The following PTPRT variants were observed in gnomAD, a reference collection of about 807,000 sequenced individuals.
PTPRT encodes protein tyrosine phosphatase receptor type T, also known as receptor-type tyrosine-protein phosphatase T.
In PTPRT, 56 loss-of-function variants were observed where a neutral mutation model predicts 176.8. The ratio of observed to expected loss-of-function variants is 0.32; its 90% confidence interval spans 0.26 to 0.40. PTPRT has a LOEUF of 0.40. PTPRT is among the 10% of genes least tolerant of loss of function. The pLI is 1.00. For synonymous variants in PTPRT, 783 were observed against 739.0 expected (o/e 1.06, Z -0.96); for missense variants, 1,540 against 1,908.2 (o/e 0.81, Z 3.60).
chr20:42,804,704 G>C (rs2077579704), intron 2 of PTPRT, among the ~76,000 whole-genome samples: 1 of 152,234 alleles, frequency 6.6e-6, no homozygotes, highest in African/African-American at 2.4e-5. Context: ...CAGTGAGGGA[G>C]AATCTGTTCC....
intron 1 of PTPRT, among the ~76,000 whole-genome samples, chr20:43,168,889 C>G (rs1381458194): frequency 6.6e-6 from 1 of 152,220 alleles, no homozygotes; most frequent in Admixed American, 6.5e-5. Flanking sequence ...ATTCAATGTA[C>G]TACTCCAAAT....
chr20:42,985,285 A>T (rs1368204984), intron 1 of PTPRT, among the ~76,000 whole-genome samples: 1 of 152,124 alleles, frequency 6.6e-6, no homozygotes, highest in African/African-American at 2.4e-5. Context: ...TCATGAGGTC[A>T]GGAGTTCGAG....
chr20:42,527,724 G>A (rs2072303866), intron 7 of PTPRT, among the ~76,000 whole-genome samples: 1 of 152,192 alleles, frequency 6.6e-6, no homozygotes, highest in African/African-American at 2.4e-5. Context: ...ATTGTAGGCT[G>A]TCCCTGAAAA....
chr20:42,616,947 T>C (rs1158257873), intron 7 of PTPRT, among the ~76,000 whole-genome samples: 2 of 132,582 alleles, frequency 1.5e-5, no homozygotes, highest in Admixed American at 1.4e-4. Flanking sequence ...TCCTGCCTCA[T>C]TGCCCTGGCC....
At chr20:43,065,491 T>C (rs2011105412) in intron 1 of PTPRT, among the ~76,000 whole-genome samples, 1 of 152,218 alleles carries the variant, frequency 6.6e-6, no homozygotes, top group Non-Finnish European at 1.5e-5. Flanking sequence ...TGGATTTTGG[T>C]GACCTCTCCA....
chr20:42,622,457 G>T (rs1016841964), intron 7 of PTPRT, among the ~76,000 whole-genome samples: 9 of 152,182 alleles, frequency 5.9e-5, no homozygotes, highest in Admixed American at 2.0e-4. Flanking sequence ...AGCCAGGATG[G>T]TCTCAATCTC....
rs141710388 is a variant in PTPRT at position 43,094,441 on chromosome 20, C to T, written c.88+95205G>A. Among the ~76,000 whole-genome samples, 861 of 117,644 alleles carry T rather than the reference C, an allele frequency of 7.3e-3. 9 individuals are homozygous for T. Among genetic ancestry groups the T allele is most frequent in the African/African-American group, 0.027 (819 of 29,872 alleles). The allele number at this position is 117,644 out of a possible 152,430, so 77.2% of individuals were successfully genotyped here. A position where few individuals can be genotyped will look rare whatever the true frequency, so the allele number is the denominator to read the frequency against. ...CAGACGGAGTTTCGCTCTTGTTGCA[C>T]AGGCTGGAGTGTAATAGCATGATCT... On this transcript the variant is annotated intron_variant, in intron 1 of 30. Coordinates refer to ENST00000373187, the MANE Select transcript of PTPRT (RefSeq NM_007050.6).
At chr20:42,753,189 G>A (rs988877545) in intron 6 of PTPRT, among the ~76,000 whole-genome samples, 1 of 152,050 alleles carries the variant, frequency 6.6e-6, no homozygotes, top group Non-Finnish European at 1.5e-5. Flanking sequence ...AGCCCTCCAG[G>A]TGTGACCAAA....
chr20:42,954,015 C>T (rs766985423), intron 1 of PTPRT, among the ~76,000 whole-genome samples: 2 of 151,996 alleles, frequency 1.3e-5, no homozygotes, highest in Non-Finnish European at 2.9e-5. Flanking sequence ...AGATAATGGA[C>T]GAGTCTGGGA....
At chr20:42,802,282 G>A (rs771158578) in intron 2 of PTPRT, among the ~76,000 whole-genome samples, 89 of 152,286 alleles carry the variant, frequency 5.8e-4, no homozygotes, top group Non-Finnish European at 1.0e-3. Context: ...AAATTTGGGC[G>A]AATCAACAAA....
At chr20:42,442,435 T>C (rs1285014830) in intron 9 of PTPRT, among the ~76,000 whole-genome samples, 2 of 152,232 alleles carry the variant, frequency 1.3e-5, no homozygotes, top group African/African-American at 2.4e-5. Flanking sequence ...AAGTCTGTTT[T>C]ATTTAACTCT....
chr20:42,683,633 C>T (rs189063925), intron 6 of PTPRT, among the ~76,000 whole-genome samples: 8 of 152,254 alleles, frequency 5.3e-5, no homozygotes, highest in East Asian at 3.9e-4. Flanking sequence ...TGCTTCATGA[C>T]GACTTACTTT....
intron 17 of PTPRT, among the ~76,000 whole-genome samples, chr20:42,149,068 C>A (rs1447217032): frequency 6.6e-6 from 1 of 152,222 alleles, no homozygotes; most frequent in Non-Finnish European, 1.5e-5. Context: ...GCATTCACTT[C>A]ATTGCAACAA....
chr20:43,057,479 G>A (rs182099188), intron 1 of PTPRT, among the ~76,000 whole-genome samples: 6 of 152,054 alleles, frequency 3.9e-5, no homozygotes, highest in African/African-American at 1.4e-4. Context: ...AAAGGAAAAG[G>A]GAATGAAAGG....
At chr20:43,072,869 T>C (rs528340111) in intron 1 of PTPRT, among the ~76,000 whole-genome samples, 1 of 152,348 alleles carries the variant, frequency 6.6e-6, no homozygotes, top group South Asian at 2.1e-4. Flanking sequence ...AATTAGTACT[T>C]AATTCTGGAA....
chr20:42,505,754 A>T (rs562640654), intron 7 of PTPRT, among the ~76,000 whole-genome samples: 1 of 152,200 alleles, frequency 6.6e-6, no homozygotes, highest in Non-Finnish European at 1.5e-5. Flanking sequence ...GCATCTCTGC[A>T]AATCAAGCTG....
chr20:42,605,403 T>C (rs1426058388), intron 7 of PTPRT, among the ~76,000 whole-genome samples: 12 of 152,174 alleles, frequency 7.9e-5, no homozygotes, highest in Admixed American at 6.5e-5. Flanking sequence ...TGAGAAAAGC[T>C]GCAGGTCTTC....
intron 1 of PTPRT, among the ~76,000 whole-genome samples, chr20:43,099,328 G>C (rs1316899245): frequency 6.6e-6 from 1 of 152,092 alleles, no homozygotes; most frequent in African/African-American, 2.4e-5. Flanking sequence ...GTCAGGAATG[G>C]TGTCCCATTA....
In PTPRT at chr20:42,105,729, G is replaced by A. The variant is rs116436451; in HGVS notation, c.3391-1011C>T. On this transcript the variant is annotated intron_variant, in intron 24 of 30. Coordinates refer to ENST00000373187, the MANE Select transcript of PTPRT (RefSeq NM_007050.6). ...AGCCCTCTTGGCTTTAGTGCTAGAA[G>A]CCTGAAGACTGGCCTGTGTGAGTTA... Among the ~76,000 whole-genome samples the A allele has an allele frequency of 6.8e-3, 1,038 of 152,332 alleles. 16 individuals are homozygous for A. The highest frequency in any genetic ancestry group is 0.024 in the African/African-American group (994 of 41,578).
Sources: gnomAD v4.1 joint callset for allele counts (sites outside exome capture counted in the v4.1 genomes callset) on GRCh38, gnomAD v4.1.1 for gene constraint, MANE v1.5 for transcripts, NCBI Gene and HGNC (gene_info 2026-07-23, HGNC 2026-07-21) for gene names.